STX8: variants seen among roughly 807,000 people sequenced by gnomAD.
STX8 encodes syntaxin-8.
Under a neutral mutation model 37.5 loss-of-function variants are expected in STX8, and 23 were observed. The ratio of observed to expected loss-of-function variants is 0.61; its 90% CI spans 0.44 to 0.87. The LOEUF is 0.87. STX8 is among the 40% of genes least tolerant of loss of function. STX8 has a pLI of 0.00. For missense variants in STX8, 313 were observed against 284.7 expected (o/e 1.10, Z -0.71); for synonymous variants, 115 against 99.1 (o/e 1.16, Z -0.95).
intron 7 of STX8, among the ~76,000 whole-genome samples, chr17:9,285,122 TATC>T (rs1908029197): frequency 6.6e-6 from 1 of 152,094 alleles, no homozygotes; most frequent in African/African-American, 2.4e-5. Context: ...GTGTGATTCT[TATC>T]ATCAGGGAAA....
At chr17:9,274,744 C>CTTTTTTTTTTTTT (rs201550065) in intron 7 of STX8, among the ~76,000 whole-genome samples, 1 of 88,884 alleles carries the variant, frequency 1.1e-5, no homozygotes, top group Admixed American at 1.6e-4. Context: ...ACAACAATTT[C>CTTTTTTTTTTTTT]TTTTTTCTTT....
At chr17:9,255,261 T>A (rs1906744398) in intron 7 of STX8, among the ~76,000 whole-genome samples, 1 of 151,964 alleles carries the variant, frequency 6.6e-6, no homozygotes, top group South Asian at 2.1e-4. Context: ...GCGCTGTGGC[T>A]CACGCCTGTA....
chr17:9,558,012 C>T (rs560657119), intron 2 of STX8, among the ~76,000 whole-genome samples: 36 of 152,308 alleles, frequency 2.4e-4, no homozygotes, highest in African/African-American at 8.7e-4. Context: ...AAATTTATAA[C>T]CCAATGAAAC....
chr17:9,400,493 C>T (rs1567544695), intron 6 of STX8, among the ~76,000 whole-genome samples: 1 of 151,958 alleles, frequency 6.6e-6, no homozygotes, highest in African/African-American at 2.4e-5. Context: ...CAACCTCCAC[C>T]TCCCAGGTTC....
intron 6 of STX8, among the ~76,000 whole-genome samples, chr17:9,450,213 A>T (rs12945669): frequency 1 from 151,039 of 151,462 alleles, 75,322 homozygotes; most frequent in East Asian, 1. Context: ...GTAGCTGGGA[A>T]AACAGGTATG....
At chr17:9,570,140 C>A (rs1205719693) in intron 1 of STX8, among the ~76,000 whole-genome samples, 1 of 151,982 alleles carries the variant, frequency 6.6e-6, no homozygotes, top group African/African-American at 2.4e-5. Context: ...CTTGAGTAAA[C>A]AATATATTTT....
At chr17:9,252,652 G>C (rs1906631303) in intron 7 of STX8, among the ~76,000 whole-genome samples, 1 of 150,558 alleles carries the variant, frequency 6.6e-6, no homozygotes, top group Non-Finnish European at 1.5e-5. Flanking sequence ...AAAAAAACTA[G>C]GGCAAGCTTC....
At chr17:9,350,793 A>G (rs1910682202) in intron 7 of STX8, among the ~76,000 whole-genome samples, 1 of 152,182 alleles carries the variant, frequency 6.6e-6, no homozygotes, top group South Asian at 2.1e-4. Context: ...TTGGCCTCCC[A>G]AAGTGCTGGG....
chr17:9,458,235 C>T (rs1167389999), intron 6 of STX8, among the ~76,000 whole-genome samples: 4 of 152,164 alleles, frequency 2.6e-5, no homozygotes, highest in South Asian at 4.1e-4. Flanking sequence ...CTGCAAGCTC[C>T]GCCTCCTGGG....
chr17:9,316,670 A>G (rs1208010558), intron 7 of STX8, among the ~76,000 whole-genome samples: 4 of 152,202 alleles, frequency 2.6e-5, no homozygotes, highest in Non-Finnish European at 2.9e-5. Flanking sequence ...TAAATGAGTA[A>G]AGTAAATGAA....
At chr17:9,402,182 C>CG (rs1216572566) in intron 6 of STX8, among the ~76,000 whole-genome samples, 14 of 152,082 alleles carry the variant, frequency 9.2e-5, no homozygotes, top group Admixed American at 9.2e-4. Flanking sequence ...TGCAATGGCA[C>CG]GATCTCGGCT....
chr17:9,347,628 T>C (rs2142240502), intron 7 of STX8, among the ~76,000 whole-genome samples: 1 of 152,306 alleles, frequency 6.6e-6, no homozygotes, highest in South Asian at 2.1e-4. Flanking sequence ...GCGATTCTCC[T>C]GCCTCAGCCT....
intron 2 of STX8, 85 bp downstream of exon 2, chr17:9,568,286 C>T: frequency 2.1e-6 from 2 of 975,484 alleles, no homozygotes; most frequent in East Asian, 2.5e-5. Context: ...CACATGTGCA[C>T]AGACAGCCTC....
chr17:9,318,021 GA>G (rs1164290468), intron 7 of STX8, among the ~76,000 whole-genome samples: 1 of 152,140 alleles, frequency 6.6e-6, no homozygotes, highest in Non-Finnish European at 1.5e-5. Flanking sequence ...TCTTACATAT[GA>G]ACTCGCTCTG....
chr17:9,264,177 A>G (rs760536815), intron 7 of STX8, among the ~76,000 whole-genome samples: 2 of 152,212 alleles, frequency 1.3e-5, no homozygotes, highest in Non-Finnish European at 2.9e-5. Flanking sequence ...CTTCACCACT[A>G]TACTGACTAT....
At chr17:9,377,303 C>CTT (rs11447990) in intron 7 of STX8, among the ~76,000 whole-genome samples, 11 of 145,268 alleles carry the variant, frequency 7.6e-5, no homozygotes, top group East Asian at 6.0e-4. Context: ...TTTTGTAATT[C>CTT]TTTTTTTTTT....
chr17:9,295,986 T>C (rs527899983), intron 7 of STX8, among the ~76,000 whole-genome samples: 47 of 151,694 alleles, frequency 3.1e-4, no homozygotes, highest in South Asian at 8.3e-4. Context: ...GTCAGGAGAT[T>C]GAGACCATCC....
At chr17:9,427,253 C>A (rs1383084108) in intron 6 of STX8, among the ~76,000 whole-genome samples, 1 of 152,104 alleles carries the variant, frequency 6.6e-6, no homozygotes, top group African/African-American at 2.4e-5. Context: ...ATCTATCACA[C>A]CATGTCACAG....
intron 6 of STX8, among the ~76,000 whole-genome samples, chr17:9,468,072 A>C (rs985476380): frequency 2.0e-5 from 3 of 152,188 alleles, no homozygotes; most frequent in Non-Finnish European, 4.4e-5. Flanking sequence ...TATGGTTAGA[A>C]ATAGCGTAGA....
Sources: gnomAD v4.1 joint callset for allele counts (sites outside exome capture counted in the v4.1 genomes callset) on GRCh38, gnomAD v4.1.1 for gene constraint, MANE v1.5 for transcripts, NCBI Gene and HGNC (gene_info 2026-07-23, HGNC 2026-07-21) for gene names.